ARSB: variants seen among roughly 807,000 people sequenced by gnomAD.
The protein encoded by ARSB is arylsulfatase B.
A neutral mutation model predicts 50.9 loss-of-function variants in ARSB; 41 were observed. The ratio of observed to expected loss-of-function variants is 0.81; its 90% CI spans 0.63 to 1.04. The LOEUF is 1.04. ARSB is among the 50% of genes least tolerant of loss of function. The pLI, the probability that ARSB is intolerant of heterozygous loss-of-function variation, is 0.00. For synonymous variants in ARSB, 269 were observed against 284.8 expected (o/e 0.94, Z 0.56); for missense variants, 672 against 693.3 (o/e 0.97, Z 0.35).
chr5:78,842,261 T>C (rs1052134467), intron 5 of ARSB, among the ~76,000 whole-genome samples: 13 of 151,978 alleles, frequency 8.6e-5, no homozygotes, highest in African/African-American at 2.9e-4. Context: ...ACGGAGCTTG[T>C]CGGAAGGAGG....
At chr5:78,787,277 C>A (rs1302881986) in intron 6 of ARSB, among the ~76,000 whole-genome samples, 7 of 152,190 alleles carry the variant, frequency 4.6e-5, no homozygotes, top group Non-Finnish European at 7.3e-5. Flanking sequence ...CAGTACCACA[C>A]TACCAGGACT....
chr5:78,894,979 G>A (rs1348692540), intron 4 of ARSB, among the ~76,000 whole-genome samples: 1 of 152,190 alleles, frequency 6.6e-6, no homozygotes, highest in East Asian at 1.9e-4. Flanking sequence ...CTAACAGGAG[G>A]CCTTGCAGCA....
rs558997644 is a variant in ARSB at position 78,955,771 on chromosome 5, C to G, written c.691-269G>C. Among the ~76,000 whole-genome samples, 38 of 152,238 alleles carry G rather than the reference C, an allele frequency of 2.5e-4. 1 individual carries two copies. Among genetic ancestry groups the G allele is most frequent in the Admixed American group, 2.4e-3 (37 of 15,274 alleles). On this transcript the variant is annotated intron_variant, in intron 3 of 7. Coordinates refer to ENST00000264914, the MANE Select transcript of ARSB (RefSeq NM_000046.5). ...AAGAGGATACACAAAAGGCAATAAA[C>G]ACATGTAAAGACAGTCAACATCATC...
rs1030647512 is a variant in ARSB at position 78,984,909 on chromosome 5, C to T, written c.312+28G>A. 2.3e-6 allele frequency: 3 copies of T among 1,298,812 alleles called. No individual in the cohort carries two copies. The East Asian group carries it at 9.5e-5, about 41-fold the overall frequency. 80.5% of individuals were successfully genotyped at this position (1,298,812 alleles called of 1,614,324 possible). A position where few individuals can be genotyped will look rare whatever the true frequency, so the allele number is the denominator to read the frequency against. On this transcript the variant is annotated intron_variant, in intron 1 of 7. Transcript: ENST00000264914. ...GCGCCGGCGAAAGGCGGGGCGGGGG[C>T]GGCGCGGGCGGCGGGGGCGCCGCGT...
chr5:78,808,111 A>G (rs1468230857), intron 6 of ARSB, among the ~76,000 whole-genome samples: 1 of 150,900 alleles, frequency 6.6e-6, no homozygotes, highest in African/African-American at 2.4e-5. Flanking sequence ...AAAAAAAAAA[A>G]AAAAAAACAC....
intron 5 of ARSB, among the ~76,000 whole-genome samples, chr5:78,855,581 A>G (rs1019914324): frequency 1.4e-4 from 22 of 152,188 alleles, no homozygotes; most frequent in Admixed American, 1.1e-3. Flanking sequence ...ACATCCAGCC[A>G]TAGTTCCAAC....
chr5:78,931,335 T>G (rs915042741), intron 4 of ARSB, among the ~76,000 whole-genome samples: 7 of 152,330 alleles, frequency 4.6e-5, no homozygotes, highest in African/African-American at 1.7e-4. Flanking sequence ...CACTTTTGTT[T>G]TTTCAACTGA....
chr5:78,824,678 C>T (rs1172466471), intron 6 of ARSB, among the ~76,000 whole-genome samples: 1 of 152,182 alleles, frequency 6.6e-6, no homozygotes, highest in Non-Finnish European at 1.5e-5. Context: ...TGTTTTCTTC[C>T]TCATTAATAG....
intron 4 of ARSB, among the ~76,000 whole-genome samples, chr5:78,939,287 T>C (rs887762956): frequency 3.3e-5 from 5 of 152,132 alleles, no homozygotes; most frequent in Admixed American, 3.3e-4. Flanking sequence ...TATTTCTTTT[T>C]TTTTTTTTAA....
At chr5:78,969,691 A>T (rs1351334125) in intron 1 of ARSB, among the ~76,000 whole-genome samples, 1 of 152,164 alleles carries the variant, frequency 6.6e-6, no homozygotes, top group African/African-American at 2.4e-5. Context: ...ATCTTGGCTC[A>T]TTGCAACCTC....
At chr5:78,790,280 A>C (rs538957400) in intron 6 of ARSB, among the ~76,000 whole-genome samples, 13 of 152,256 alleles carry the variant, frequency 8.5e-5, no homozygotes, top group African/African-American at 3.1e-4. Flanking sequence ...TCTCAGCTCC[A>C]TCACTCACTG....
At chr5:78,905,635 G>C (rs1403814214) in intron 4 of ARSB, among the ~76,000 whole-genome samples, 2 of 152,142 alleles carry the variant, frequency 1.3e-5, no homozygotes, top group Non-Finnish European at 2.9e-5. Flanking sequence ...TCACATGGCA[G>C]TTGAGTTTTC....
At chr5:78,891,240 G>C (rs78200430) in intron 4 of ARSB, among the ~76,000 whole-genome samples, 2,335 of 152,282 alleles carry the variant, frequency 0.015, 33 homozygotes, top group South Asian at 0.051. Context: ...CTGTGACCTT[G>C]ACTTTTCATT....
At chr5:78,811,124 T>C (rs1743791874) in intron 6 of ARSB, among the ~76,000 whole-genome samples, 1 of 152,184 alleles carries the variant, frequency 6.6e-6, no homozygotes, top group South Asian at 2.1e-4. Context: ...CCCGCTGCCA[T>C]CCTATCATCA....
chr5:78,868,204 ATG>A (rs1746911229), intron 5 of ARSB, among the ~76,000 whole-genome samples: 1 of 140,698 alleles, frequency 7.1e-6, no homozygotes, highest in Admixed American at 7.3e-5. Context: ...CCTGAAAGTG[ATG>A]CGGAGAATGG....
At chr5:78,880,049 T>C (rs1019556498) in intron 5 of ARSB, among the ~76,000 whole-genome samples, 1 of 152,232 alleles carries the variant, frequency 6.6e-6, no homozygotes. Context: ...CCATATCTTT[T>C]GGTTAAAGCC....
intron 1 of ARSB, among the ~76,000 whole-genome samples, chr5:78,977,167 C>G (rs638060): frequency 0.016 from 2,256 of 145,290 alleles, 67 homozygotes; most frequent in African/African-American, 0.058. Flanking sequence ...CCACTTCCCC[C>G]CCGCGAGATG....
intron 6 of ARSB, among the ~76,000 whole-genome samples, chr5:78,786,320 A>G (rs1749079868): frequency 6.6e-6 from 1 of 152,212 alleles, no homozygotes; most frequent in Non-Finnish European, 1.5e-5. Flanking sequence ...TGTAGCACGT[A>G]TCAGTACTTC....
At chr5:78,823,516 C>G (rs550663171) in intron 6 of ARSB, among the ~76,000 whole-genome samples, 1 of 152,156 alleles carries the variant, frequency 6.6e-6, no homozygotes, top group African/African-American at 2.4e-5. Context: ...AAGTCAGAAC[C>G]CATAGCCTAA....
Sources: gnomAD v4.1 joint callset for allele counts (sites outside exome capture counted in the v4.1 genomes callset) on GRCh38, gnomAD v4.1.1 for gene constraint, MANE v1.5 for transcripts, NCBI Gene and HGNC (gene_info 2026-07-23, HGNC 2026-07-21) for gene names.